Variants in RGS8 observed in about 807,000 individuals in gnomAD.
RGS8 encodes the protein regulator of G-protein signaling 8.
Under a neutral mutation model 21.7 loss-of-function variants are expected in RGS8, and 8 were observed. The observed-to-expected ratio is 0.37, with a 90% CI of 0.22 to 0.66. RGS8 has a LOEUF of 0.66. Ranked by LOEUF, RGS8 falls within the 30% of genes least tolerant of loss-of-function variation. RGS8 has a pLI of 0.59. For missense variants in RGS8, 157 were observed against 217.9 expected (o/e 0.72, Z 1.76); for synonymous variants, 80 against 83.6 (o/e 0.96, Z 0.24).
upstream of RGS8, among the ~76,000 whole-genome samples, chr1:182,686,338 G>A (rs942414960): frequency 9.2e-5 from 14 of 152,234 alleles, no homozygotes; most frequent in South Asian, 6.2e-4. Flanking sequence ...TCAGATCTGT[G>A]TTTTGAGAAG....
chr1:182,689,833 A>G, the RGS8 span, among the ~76,000 whole-genome samples: 1 of 152,242 alleles, frequency 6.6e-6, no homozygotes, highest in Non-Finnish European at 1.5e-5. Context: ...ATGTGAGCAC[A>G]TGCACATACA....
chr1:182,689,814 C>T, the RGS8 span, among the ~76,000 whole-genome samples: 1 of 152,188 alleles, frequency 6.6e-6, no homozygotes, highest in Non-Finnish European at 1.5e-5. Context: ...CAAATGGGCA[C>T]AGGCCAGCAT....
At chr1:182,646,987 T>A in intron 6 of RGS8, 70 bp from the exon 8 acceptor site, 2 of 1,293,696 alleles carry the variant, frequency 1.5e-6, no homozygotes, top group Non-Finnish European at 2.2e-6. Flanking sequence ...TGGCCCTAAC[T>A]ATGCAATAAT....
chr1:182,718,771 T>C, the RGS8 span, among the ~76,000 whole-genome samples: 1 of 152,194 alleles, frequency 6.6e-6, no homozygotes, highest in Non-Finnish European at 1.5e-5. Flanking sequence ...TTAATTGCTG[T>C]GATATGGCGT....
At chr1:182,656,336 G>A (rs1663277627) in intron 5 of RGS8, among the ~76,000 whole-genome samples, 1 of 152,042 alleles carries the variant, frequency 6.6e-6, no homozygotes, top group Non-Finnish European at 1.5e-5. Flanking sequence ...CCCAGCAAGT[G>A]TACCATTTAG....
upstream of RGS8, chr1:182,672,795 C>T (rs766896688): frequency 1.9e-6 from 3 of 1,613,782 alleles, no homozygotes; most frequent in South Asian, 2.2e-5. Context: ...TTTTCCATTT[C>T]TTTCTTCTTT....
At chr1:182,749,473 C>T in the RGS8 span, among the ~76,000 whole-genome samples, 1 of 152,052 alleles carries the variant, frequency 6.6e-6, no homozygotes, top group East Asian at 1.9e-4. Flanking sequence ...CACACTGTAC[C>T]ATGTTGTTTT....
the RGS8 span, among the ~76,000 whole-genome samples, chr1:182,705,514 C>T: frequency 6.6e-6 from 1 of 152,190 alleles, no homozygotes; most frequent in South Asian, 2.1e-4. Context: ...CAAGTTGAAG[C>T]GTAAAAAGAA....
chr1:182,652,296 G>A (rs1243953307), intron 5 of RGS8, among the ~76,000 whole-genome samples: 1 of 152,218 alleles, frequency 6.6e-6, no homozygotes, highest in Non-Finnish European at 1.5e-5. Flanking sequence ...TTCCTTCATG[G>A]TACTTGTAAA....
intron 1 of RGS8, among the ~76,000 whole-genome samples, chr1:182,681,131 A>T (rs1664522766): frequency 6.6e-6 from 1 of 152,240 alleles, no homozygotes; most frequent in Non-Finnish European, 1.5e-5. Context: ...GAGTCCGAGA[A>T]GGCAGAAGCC....
At chr1:182,720,914 TATATACATATATACATATATAC>T in the RGS8 span, among the ~76,000 whole-genome samples, 2 of 46,896 alleles carry the variant, frequency 4.3e-5, no homozygotes, top group East Asian at 1.6e-3. Flanking sequence ...TATGTGTGTG[TATATACATATATACATATATAC>T]ATATATATAC....
At chr1:182,650,061 G>A (rs144978002) in intron 5 of RGS8, among the ~76,000 whole-genome samples, 85 of 150,376 alleles carry the variant, frequency 5.7e-4, no homozygotes, top group African/African-American at 2.0e-3. Context: ...ACAGGCGTGC[G>A]CCACTACGCC....
upstream of RGS8, among the ~76,000 whole-genome samples, chr1:182,688,392 A>G (rs1322684995): frequency 6.6e-6 from 1 of 151,868 alleles, no homozygotes; most frequent in Non-Finnish European, 1.5e-5. Flanking sequence ...TTCATTTTTA[A>G]GAAAGAAGGA....
At chr1:182,731,316 T>C in the RGS8 span, among the ~76,000 whole-genome samples, 1 of 152,216 alleles carries the variant, frequency 6.6e-6, no homozygotes, top group Non-Finnish European at 1.5e-5. Flanking sequence ...AGTGTGCTGC[T>C]TGTTGGTTGA....
chr1:182,646,089 G>A (rs1361084434), downstream of RGS8: 1 of 152,268 alleles, frequency 6.6e-6, no homozygotes, highest in East Asian at 1.9e-4. Context: ...GGTTAGGGTA[G>A]TCTTGTGAAT....
chr1:182,694,456 G>A, the RGS8 span, among the ~76,000 whole-genome samples: 7 of 152,174 alleles, frequency 4.6e-5, no homozygotes, highest in East Asian at 7.7e-4. Context: ...TAAAAATTCC[G>A]ATGCAGCATC....
chr1:182,746,685 A>G, the RGS8 span, among the ~76,000 whole-genome samples: 1 of 151,774 alleles, frequency 6.6e-6, no homozygotes, highest in Non-Finnish European at 1.5e-5. Context: ...GGAAAGAAAG[A>G]AAGAAGGAAG....
the RGS8 span, among the ~76,000 whole-genome samples, chr1:182,740,195 C>T: frequency 2.6e-5 from 4 of 152,180 alleles, no homozygotes; most frequent in Non-Finnish European, 5.9e-5. Flanking sequence ...CCCAACTGGC[C>T]TGCTGTAATA....
the RGS8 span, among the ~76,000 whole-genome samples, chr1:182,747,043 CTTTTTTTTTTTTTTTTTTT>C: frequency 4.8e-3 from 100 of 21,048 alleles, no homozygotes; most frequent in African/African-American, 0.012. Flanking sequence ...CACTGCTGGT[CTTTTTTTTTTTTTTTTTTT>C]TTTTTTTTTT....
Sources: gnomAD v4.1 joint callset for allele counts (sites outside exome capture counted in the v4.1 genomes callset) on GRCh38, gnomAD v4.1.1 for gene constraint, MANE v1.5 for transcripts, NCBI Gene and HGNC (gene_info 2026-07-23, HGNC 2026-07-21) for gene names.